AHDC1: variants seen among roughly 807,000 people sequenced by gnomAD.
AHDC1 encodes AT-hook DNA binding motif containing 1, also known as transcription factor Gibbin.
Under a neutral mutation model 87.9 loss-of-function variants are expected in AHDC1, and 7 were observed. The ratio of observed to expected loss-of-function variants is 0.08; its 90% CI spans 0.05 to 0.15. AHDC1 has a LOEUF of 0.15. Among genes scored for constraint, AHDC1 ranks in the 10% least tolerant of loss-of-function variants. The pLI, the probability that AHDC1 is intolerant of heterozygous loss-of-function variation, is 1.00. For missense variants in AHDC1, 1,841 were observed against 2,253.2 expected, an observed-to-expected ratio of 0.82 and a Z score of 3.70; for synonymous variants, 1,051 against 1,006.8, an observed-to-expected ratio of 1.04 and a Z score of -0.83.
chr1:27,575,276 C>A (rs1269732128), intron 3 of AHDC1, among the ~76,000 whole-genome samples: 1 of 152,206 alleles, frequency 6.6e-6, no homozygotes. Context: ...GTTTCTGGCT[C>A]CTGGAGGAGG....
chr1:27,566,160 C>T (rs1353065756), intron 3 of AHDC1, among the ~76,000 whole-genome samples: 1 of 152,058 alleles, frequency 6.6e-6, no homozygotes, highest in African/African-American at 2.4e-5. Context: ...TTTAGAAGGA[C>T]AAAGTCAGAA....
chr1:27,568,992 C>G (rs534534063), intron 3 of AHDC1, among the ~76,000 whole-genome samples: 1 of 152,044 alleles, frequency 6.6e-6, no homozygotes, highest in South Asian at 2.1e-4. Context: ...GGGGGGCTGG[C>G]GAAAGCCCCA....
chr1:27,600,858 G>A (rs111994705), intron 3 of AHDC1, among the ~76,000 whole-genome samples: 2 of 152,072 alleles, frequency 1.3e-5, no homozygotes, highest in Admixed American at 1.3e-4. Context: ...CCATGCAGTG[G>A]GGGTAACAAA....
chr1:27,572,750 C>A (rs560429880), intron 3 of AHDC1, among the ~76,000 whole-genome samples: 3 of 152,238 alleles, frequency 2.0e-5, no homozygotes, highest in African/African-American at 7.2e-5. Context: ...TGACCCAAAG[C>A]CCGGCTCTCT....
intron 8 of AHDC1, among the ~76,000 whole-genome samples, chr1:27,545,103 C>T (rs2019105643): frequency 6.6e-6 from 1 of 150,982 alleles, no homozygotes; most frequent in Non-Finnish European, 1.5e-5. Context: ...CCTCAGGCCT[C>T]AGCTTCAAGG....
chr1:27,553,496 T>C (rs1304535782), intron 5 of AHDC1: 1 of 152,166 alleles, frequency 6.6e-6, no homozygotes, highest in Non-Finnish European at 1.5e-5. Flanking sequence ...TGAAGATGCC[T>C]GAGGTCAGAG....
At chr1:27,600,620 G>A (rs769777433) in intron 3 of AHDC1, among the ~76,000 whole-genome samples, 1 of 152,160 alleles carries the variant, frequency 6.6e-6, no homozygotes, top group Non-Finnish European at 1.5e-5. Flanking sequence ...GCTCCAGGCT[G>A]ATTGGAGAAC....
chr1:27,543,918 C>T (rs1002067335), intron 8 of AHDC1, among the ~76,000 whole-genome samples: 58 of 151,392 alleles, frequency 3.8e-4, no homozygotes, highest in African/African-American at 1.4e-3. Context: ...ACTCCAGCCT[C>T]GGCGACACAG....
intron 8 of AHDC1, among the ~76,000 whole-genome samples, chr1:27,535,375 A>C (rs1035483151): frequency 1.3e-5 from 2 of 152,198 alleles, no homozygotes; most frequent in African/African-American, 4.8e-5. Flanking sequence ...GGACAGATGA[A>C]GCCTGGTCCT....
chr1:27,543,284 G>T (rs551131015), intron 8 of AHDC1, among the ~76,000 whole-genome samples: 20 of 152,308 alleles, frequency 1.3e-4, no homozygotes, highest in African/African-American at 4.6e-4. Context: ...TGATAGGGTC[G>T]ATCTTTAGCC....
intron 3 of AHDC1, among the ~76,000 whole-genome samples, chr1:27,575,382 C>G (rs373108049): frequency 2.4e-4 from 37 of 152,118 alleles, no homozygotes; most frequent in African/African-American, 8.2e-4. Flanking sequence ...GGGACTGGAC[C>G]CCCGCCAGAC....
chr1:27,585,789 C>T (rs977437966), intron 3 of AHDC1, among the ~76,000 whole-genome samples: 1 of 152,140 alleles, frequency 6.6e-6, no homozygotes, highest in Non-Finnish European at 1.5e-5. Flanking sequence ...CCTCCCCTTC[C>T]TCCAACTGTT....
At chr1:27,556,811 C>T (rs1325502164) in intron 5 of AHDC1, among the ~76,000 whole-genome samples, 2 of 152,152 alleles carry the variant, frequency 1.3e-5, no homozygotes, top group Admixed American at 6.5e-5. Context: ...TAGTCCCAAC[C>T]ATCAGTTCTA....
At chr1:27,575,859 CGCCAGGCCG>C (rs1311621214) in intron 3 of AHDC1, among the ~76,000 whole-genome samples, 3 of 149,756 alleles carry the variant, frequency 2.0e-5, no homozygotes, top group Non-Finnish European at 3.0e-5. Context: ...GCCCCCGGCC[CGCCAGGCCG>C]GGCCCTCTGC....
rs75930951 is a variant in AHDC1, at chr1:27,551,284, G to A, written c.832C>T (p.Pro278Ser). The A allele has an allele frequency of 2.0e-3, 3,176 of 1,610,882 alleles. 46 individuals are homozygous for A. In the African/African-American group the frequency reaches 0.035, roughly 18 times the overall value. Reference sequence around the variant, plus strand: ...TGCGGGTCCAGGAAGCGGGGCTGGGGGTCCAGGAGCTGAGGCTCCGGCTCG... The same window carrying A: ...TGCGGGTCCAGGAAGCGGGGCTGGGAGTCCAGGAGCTGAGGCTCCGGCTCG... ...SPEPEPQLLD[P>S]QPRFLDPQAL... The change falls in exon 8 of 9, where the codon CCC (proline) becomes TCC (serine). Residue 278 changes from proline (P) to serine (S), a missense_variant. By Grantham distance (74) the Pro-to-Ser change is moderately conservative. Around this residue, in one of 13 missense-constraint regions of AHDC1, gnomAD observed 370 missense variants for 391.5 expected, o/e 0.95. Coordinates refer to ENST00000673934, the MANE Select transcript of AHDC1 (RefSeq NM_001371928.1).
intron 8 of AHDC1, among the ~76,000 whole-genome samples, chr1:27,544,689 T>C (rs569536714): frequency 6.6e-6 from 1 of 152,308 alleles, no homozygotes; most frequent in African/African-American, 2.4e-5. Flanking sequence ...GTGATTTTGA[T>C]CATCCCCTGG....
chr1:27,598,751 C>T lies in AHDC1; in HGVS notation c.-629+4646G>A, dbSNP rs2089445225. Among the ~76,000 whole-genome samples the T allele has an allele frequency of 6.6e-6, 1 of 152,170 alleles. No homozygotes were observed. Among genetic ancestry groups the T allele is most frequent in the African/African-American group, 2.4e-5 (1 of 41,426 alleles). ...TGGCCCTGTCTAGGCACTGGCCATC[C>T]TGAATCTAGCACCTCACACACAAAT... On this transcript the variant is annotated intron_variant, in intron 3 of 8. Transcript: ENST00000673934. The surrounding 1 kb of genome is among the most constrained non-coding windows in gnomAD (Gnocchi z 4.2).
intron 3 of AHDC1, among the ~76,000 whole-genome samples, chr1:27,575,549 C>T (rs1206601232): frequency 2.0e-5 from 3 of 152,016 alleles, no homozygotes; most frequent in African/African-American, 7.2e-5. Flanking sequence ...GCTCGCTCCC[C>T]CGGCCGGCCG....
intron 3 of AHDC1, among the ~76,000 whole-genome samples, chr1:27,572,881 C>T (rs1237716490): frequency 6.6e-6 from 1 of 152,236 alleles, no homozygotes; most frequent in African/African-American, 2.4e-5. Context: ...CTGTCTTGTG[C>T]GCCATGCCCC....
Sources: gnomAD v4.1 joint callset for allele counts (sites outside exome capture counted in the v4.1 genomes callset) on GRCh38, gnomAD v4.1.1 for gene constraint, gnomAD v4.1.1 regional missense constraint, Gnocchi (gnomAD v3.1) non-coding constraint, MANE v1.5 for transcripts, NCBI Gene and HGNC (gene_info 2026-07-23, HGNC 2026-07-21) for gene names.